Variants in MACROD2 observed in about 807,000 individuals in gnomAD.
The protein encoded by MACROD2 is mono-ADP ribosylhydrolase 2.
In MACROD2, 36 loss-of-function variants were observed where a neutral mutation model predicts 70.4. The ratio of observed to expected loss-of-function variants is 0.51; its 90% CI spans 0.39 to 0.68. MACROD2 has a LOEUF of 0.68. MACROD2 is among the 30% of genes least tolerant of loss of function. MACROD2 has a pLI of 0.00. For missense variants in MACROD2, 496 were observed against 538.4 expected, an observed-to-expected ratio of 0.92 and a Z score of 0.78; for synonymous variants, 172 against 178.8, an observed-to-expected ratio of 0.96 and a Z score of 0.30.
chr20:15,993,344 G>C (rs2066584756), intron 15 of MACROD2, among the ~76,000 whole-genome samples: 1 of 151,388 alleles, frequency 6.6e-6, no homozygotes, highest in African/African-American at 2.4e-5. Context: ...GGTCCCATAA[G>C]ATTATGATGC....
chr20:15,234,804 G>T (rs572252601), intron 6 of MACROD2, among the ~76,000 whole-genome samples: 1 of 152,106 alleles, frequency 6.6e-6, no homozygotes, highest in African/African-American at 2.4e-5. Flanking sequence ...GCCAGGGCTG[G>T]AAAATGAAAA....
At chr20:14,386,616 C>T (rs11908083) in intron 3 of MACROD2, among the ~76,000 whole-genome samples, 1,693 of 151,182 alleles carry the variant, frequency 0.011, 40 homozygotes, top group African/African-American at 0.04. Context: ...CTCTCTCTTG[C>T]TCGCTTCTGC....
chr20:15,178,891 A>G (rs1052581793), intron 5 of MACROD2, among the ~76,000 whole-genome samples: 2 of 152,222 alleles, frequency 1.3e-5, no homozygotes, highest in Admixed American at 1.3e-4. Context: ...TAGTGACCAC[A>G]GTATAGCAGG....
rs539326926 is a variant in MACROD2 at position 14,910,863 on chromosome 20, C to T, written c.418+225904C>T. ...ACTTGATATTGATGCTGTTAATTCC[C>T]TAGAGCGAAGTCTTCTCAACTTTTT... is the stretch of plus-strand genomic sequence containing the variant. On this transcript the variant is annotated intron_variant, in intron 5 of 17. Transcript: ENST00000684519. Among the ~76,000 whole-genome samples, 440 of 152,242 alleles carry T rather than the reference C, an allele frequency of 2.9e-3. 4 individuals carry two copies. Among genetic ancestry groups the T allele is most frequent in the Non-Finnish European group, 5.1e-3 (350 of 68,020 alleles).
At chr20:14,859,763 T>C (rs1042939511) in intron 5 of MACROD2, among the ~76,000 whole-genome samples, 1 of 152,190 alleles carries the variant, frequency 6.6e-6, no homozygotes, top group Non-Finnish European at 1.5e-5. Context: ...TAGTTAGCTC[T>C]GTAAATATCA....
At chr20:14,220,662 G>A (rs2122165865) in intron 3 of MACROD2, among the ~76,000 whole-genome samples, 1 of 152,266 alleles carries the variant, frequency 6.6e-6, no homozygotes, top group Admixed American at 6.5e-5. Context: ...GGCAGGAATG[G>A]CCTGCTAGGG....
At chr20:14,694,928 A>T (rs1272975616) in intron 5 of MACROD2, among the ~76,000 whole-genome samples, 1 of 152,182 alleles carries the variant, frequency 6.6e-6, no homozygotes, top group Non-Finnish European at 1.5e-5. Flanking sequence ...CTAGAGCTTA[A>T]TTCCCCTCTA....
At chr20:14,768,665 G>A (rs1384838178) in intron 5 of MACROD2, among the ~76,000 whole-genome samples, 8 of 151,830 alleles carry the variant, frequency 5.3e-5, no homozygotes, top group Non-Finnish European at 1.2e-4. Flanking sequence ...TGCCCAGGTT[G>A]GAGGGCAGTG....
At chr20:14,679,619 A>G (rs1214941228) in intron 4 of MACROD2, among the ~76,000 whole-genome samples, 4 of 152,196 alleles carry the variant, frequency 2.6e-5, no homozygotes, top group Non-Finnish European at 4.4e-5. Flanking sequence ...AGATTAGAGA[A>G]TTTTAAACTC....
At chr20:14,610,707 T>C (rs748185776) in intron 4 of MACROD2, among the ~76,000 whole-genome samples, 8 of 152,086 alleles carry the variant, frequency 5.3e-5, no homozygotes, top group Non-Finnish European at 8.8e-5. Context: ...AAGCCTAGCA[T>C]TGTATGAGGG....
At chr20:15,885,840 G>C (rs372382032) in intron 10 of MACROD2, 29 bp downstream of exon 10, 1 of 1,488,940 alleles carries the variant, frequency 6.7e-7, no homozygotes, top group Non-Finnish European at 8.9e-7. Context: ...TATTATTAGG[G>C]GGTAGGTAGG....
intron 4 of MACROD2, among the ~76,000 whole-genome samples, chr20:14,581,751 G>A (rs758841262): frequency 2.6e-5 from 4 of 152,130 alleles, no homozygotes; most frequent in African/African-American, 4.8e-5. Flanking sequence ...TGTTGCATCA[G>A]CTGAACAGAG....
intron 8 of MACROD2, among the ~76,000 whole-genome samples, chr20:15,708,288 A>G (rs924015830): frequency 2.0e-5 from 3 of 152,154 alleles, no homozygotes; most frequent in Admixed American, 6.5e-5. Context: ...AGCAAATTAT[A>G]TAATTTGTAG....
At chr20:16,032,764 AGGAAGGAAGAG>A in intron 15 of MACROD2, among the ~76,000 whole-genome samples, 4 of 46,994 alleles carry the variant, frequency 8.5e-5, no homozygotes, top group East Asian at 1.6e-3. Flanking sequence ...GAGGGAAGAG[AGGAAGGAAGAG>A]AGGAAGGAAG....
At chr20:15,746,830 G>A (rs1568538235) in intron 8 of MACROD2, among the ~76,000 whole-genome samples, 1 of 152,036 alleles carries the variant, frequency 6.6e-6, no homozygotes, top group South Asian at 2.1e-4. Context: ...GCTGCCAGGG[G>A]TTCGAGTGGC....
chr20:15,054,946 C>CTTTTTTT (rs10673344), intron 5 of MACROD2, among the ~76,000 whole-genome samples: 29 of 120,746 alleles, frequency 2.4e-4, no homozygotes, highest in African/African-American at 8.8e-4. Flanking sequence ...CCACATCTAG[C>CTTTTTTT]TTTTTTTTTT....
intron 5 of MACROD2, among the ~76,000 whole-genome samples, chr20:15,046,952 A>G (rs2075399349): frequency 6.6e-6 from 1 of 152,220 alleles, no homozygotes; most frequent in Non-Finnish European, 1.5e-5. Context: ...GCATCTGATT[A>G]ACAGCTGCTG....
intron 5 of MACROD2, among the ~76,000 whole-genome samples, chr20:14,805,661 A>G (rs1020378373): frequency 4.6e-5 from 7 of 152,066 alleles, no homozygotes; most frequent in African/African-American, 7.2e-5. Flanking sequence ...TTTAAACTCC[A>G]TGTTCTCAAC....
chr20:14,813,104 TATTA>T (rs2072733860), intron 5 of MACROD2, among the ~76,000 whole-genome samples: 1 of 152,116 alleles, frequency 6.6e-6, no homozygotes, highest in South Asian at 2.1e-4. Flanking sequence ...TACTAACAAG[TATTA>T]ATTGTCGATC....
Sources: allele counts gnomAD v4.1 joint callset (sites outside exome capture counted in the v4.1 genomes callset), GRCh38; gene constraint gnomAD v4.1.1; transcripts MANE v1.5; gene names NCBI Gene and HGNC (gene_info 2026-07-23, HGNC 2026-07-21).